MTA3: variants seen among roughly 807,000 people sequenced by gnomAD.
MTA3 encodes metastasis-associated protein MTA3.
MTA3 carries 34 observed loss-of-function variants against 83.5 expected under a neutral mutation model. The ratio of observed to expected loss-of-function variants is 0.41; its 90% confidence interval spans 0.31 to 0.54. The LOEUF is 0.54. Ranked by LOEUF, MTA3 falls within the 20% of genes least tolerant of loss-of-function variation. MTA3 has a pLI of 0.33. For missense variants in MTA3, 761 were observed against 726.4 expected (o/e 1.05, Z -0.55); for synonymous variants, 303 against 252.7 (o/e 1.20, Z -1.89).
chr2:42,668,120 A>G (rs1053324495), intron 8 of MTA3, among the ~76,000 whole-genome samples: 1 of 152,176 alleles, frequency 6.6e-6, no homozygotes, highest in African/African-American at 2.4e-5. Flanking sequence ...GTGCAGCCAC[A>G]CTATGAGTTG....
intron 2 of MTA3, among the ~76,000 whole-genome samples, chr2:42,503,072 G>A (rs556939505): frequency 2.6e-5 from 4 of 152,146 alleles, no homozygotes; most frequent in South Asian, 4.1e-4. Context: ...AGGCAAGTCC[G>A]TACAGTAATG....
chr2:42,642,251 A>G (rs1028391689), intron 5 of MTA3, among the ~76,000 whole-genome samples: 8 of 152,166 alleles, frequency 5.3e-5, no homozygotes, highest in Non-Finnish European at 8.8e-5. Context: ...TATGACCCAA[A>G]TAATCATTTC....
At chr2:42,516,930 GC>G (rs1428923224) in intron 2 of MTA3, among the ~76,000 whole-genome samples, 2 of 152,244 alleles carry the variant, frequency 1.3e-5, no homozygotes, top group South Asian at 2.1e-4. Flanking sequence ...TTCAAGACCA[GC>G]CTGGGCAACA....
chr2:42,606,196 C>T (rs1683362318), intron 3 of MTA3, among the ~76,000 whole-genome samples: 1 of 45,898 alleles, frequency 2.2e-5, no homozygotes, highest in African/African-American at 2.1e-4. Flanking sequence ...GGGCGGGGGG[C>T]TGACCCCCCC....
chr2:42,530,505 C>T (rs983181733), intron 2 of MTA3, among the ~76,000 whole-genome samples: 19 of 146,488 alleles, frequency 1.3e-4, no homozygotes, highest in African/African-American at 4.6e-4. Context: ...AAAAAAAGGG[C>T]TGGGAGCGGT....
At chr2:42,631,503 T>G (rs376291393) in intron 4 of MTA3, among the ~76,000 whole-genome samples, 6 of 151,990 alleles carry the variant, frequency 3.9e-5, no homozygotes, top group African/African-American at 7.2e-5. Flanking sequence ...GTGTGTGTGT[T>G]TTTTTTTGAT....
In MTA3 at chr2:42,640,068, A is replaced by G. The variant is rs1687571208; in HGVS notation, c.318-105A>G. ...GAAAAAATATATATTCCTAACTGCC[A>G]TGTAGTTTCTTAATACCAGTCTCAC... On this transcript the variant is annotated intron_variant, in intron 4 of 16. Coordinates refer to ENST00000405094, the MANE Select transcript of MTA3 (RefSeq NM_001330442.2). 6.3e-5 allele frequency: 48 copies of G among 762,110 alleles called. No homozygotes were observed. The South Asian group carries it at 7.8e-4, about 12-fold the overall frequency. 47.2% of individuals were successfully genotyped at this position (762,110 alleles called of 1,614,324 possible).
chr2:42,579,882 G>A lies in MTA3; in HGVS notation c.190+682G>A, dbSNP rs77958605. On this transcript the variant is annotated intron_variant, in intron 3 of 16. Coordinates refer to ENST00000405094, the MANE Select transcript of MTA3 (RefSeq NM_001330442.2). ...GGTTTTGTGAGGATACAGATAGGAG[G>A]AAATTTATACTTCACTGTTTCGGAG... 2.4e-3 allele frequency among the ~76,000 whole-genome samples: 369 copies of A among 152,092 alleles called. 9 individuals carry two copies. In the East Asian group the frequency reaches 0.062, roughly 25 times the overall value.
chr2:42,642,914 G>A (rs564011778), intron 5 of MTA3, among the ~76,000 whole-genome samples: 1 of 151,874 alleles, frequency 6.6e-6, no homozygotes, highest in Admixed American at 6.6e-5. Flanking sequence ...CAAAGTGCTG[G>A]GATTATAGGC....
intron 6 of MTA3, among the ~76,000 whole-genome samples, chr2:42,651,402 T>C (rs368266552): frequency 4.6e-5 from 7 of 152,294 alleles, no homozygotes; most frequent in African/African-American, 1.7e-4. Context: ...TTTTGACTCT[T>C]CTATAAAAAC....
chr2:42,713,805 T>G (rs952748207), intron 14 of MTA3, among the ~76,000 whole-genome samples: 1 of 152,244 alleles, frequency 6.6e-6, no homozygotes, highest in Non-Finnish European at 1.5e-5. Context: ...GTACCATAAC[T>G]AGTTTCCTAT....
At chr2:42,520,694 T>C (rs1675385608) in intron 2 of MTA3, among the ~76,000 whole-genome samples, 1 of 152,022 alleles carries the variant, frequency 6.6e-6, no homozygotes, top group African/African-American at 2.4e-5. Flanking sequence ...ACGTCCCAAG[T>C]AGCTAGGACT....
Position 42,607,638 on chromosome 2 carries a change from C to T in MTA3, c.191-1820C>T, listed in dbSNP as rs187314552. Among the ~76,000 whole-genome samples, 110 of 152,306 alleles carry T rather than the reference C, an allele frequency of 7.2e-4. 1 individual carries two copies. The highest frequency in any genetic ancestry group is 2.5e-3 in the African/African-American group (105 of 41,564). ...GAATTGCAGGCATGAGCCATCACACCTGGCCTGTCTAACTTTAAATTTATC... is the reference window on the plus strand; with the variant it reads ...GAATTGCAGGCATGAGCCATCACACTTGGCCTGTCTAACTTTAAATTTATC... On this transcript the variant is annotated intron_variant, in intron 3 of 16. Coordinates refer to ENST00000405094, the MANE Select transcript of MTA3 (RefSeq NM_001330442.2).
upstream of MTA3, among the ~76,000 whole-genome samples, chr2:42,494,386 G>A (rs1426962848): frequency 6.6e-6 from 1 of 151,340 alleles, no homozygotes; most frequent in East Asian, 2.0e-4. Context: ...GGGACAGACG[G>A]CGTTTGGAGA....
rs533458517 is a variant in MTA3 at position 42,521,867 on chromosome 2, G to T, written c.-141+26613G>T. 1.3e-4 allele frequency among the ~76,000 whole-genome samples: 19 copies of T among 146,420 alleles called. No homozygotes were observed. The South Asian group carries it at 4.1e-3, about 32-fold the overall frequency. On this transcript the variant is annotated intron_variant, in intron 2 of 17. Transcript: ENST00000405592. ...CCTCCCCGGTTCAAGTGATTCTTCTGCCTCAGACTCCTGAGTAGCCGGGAT... is the reference window on the plus strand; with the variant it reads ...CCTCCCCGGTTCAAGTGATTCTTCTTCCTCAGACTCCTGAGTAGCCGGGAT...
In MTA3 at chr2:42,665,053, A is replaced by G. The variant is rs147403119; in HGVS notation, c.702+5191A>G. On this transcript the variant is annotated intron_variant, in intron 8 of 16. Coordinates refer to ENST00000405094, the MANE Select transcript of MTA3 (RefSeq NM_001330442.2). ...AAAACATTGAAGCCATGGGGGCTTT[A>G]TAGGTTTCACTCGTTTTGTTAAAAT... 5.9e-3 allele frequency among the ~76,000 whole-genome samples: 898 copies of G among 152,342 alleles called. 11 individuals carry two copies. Among genetic ancestry groups the G allele is most frequent in the Middle Eastern group, 6.8e-3 (2 of 294 alleles).
At chr2:42,682,096 TACTC>T (rs1253152008) in intron 8 of MTA3, among the ~76,000 whole-genome samples, 1 of 151,872 alleles carries the variant, frequency 6.6e-6, no homozygotes, top group African/African-American at 2.4e-5. Context: ...TGGTCCTAGT[TACTC>T]AGGAGGCTGA....
At chr2:42,645,079 A>T (rs1346185143) in intron 6 of MTA3, among the ~76,000 whole-genome samples, 1 of 151,290 alleles carries the variant, frequency 6.6e-6, no homozygotes. Flanking sequence ...CTCTTTCCCC[A>T]GTTAGCCAAG....
At chr2:42,597,322 C>T (rs1473541488) in intron 3 of MTA3, among the ~76,000 whole-genome samples, 3 of 151,358 alleles carry the variant, frequency 2.0e-5, no homozygotes, top group Admixed American at 2.0e-4. Flanking sequence ...GCCTAATCCT[C>T]CCAAGGTGTT....
Sources: allele counts gnomAD v4.1 joint callset (sites outside exome capture counted in the v4.1 genomes callset), GRCh38; gene constraint gnomAD v4.1.1; transcripts MANE v1.5; gene names NCBI Gene and HGNC (gene_info 2026-07-23, HGNC 2026-07-21).